PDE11A: variants seen among roughly 807,000 people sequenced by gnomAD.
The protein encoded by PDE11A is phosphodiesterase 11A.
In PDE11A, 100 loss-of-function variants were observed where a neutral mutation model predicts 100.5. The ratio of observed to expected loss-of-function variants is 1.00; its 90% CI spans 0.85 to 1.18. PDE11A has a LOEUF of 1.18. PDE11A is among the 50% of genes most tolerant of loss of function. The pLI is 0.00. For missense variants in PDE11A, 1,141 were observed against 1,152.6 expected (o/e 0.99, Z 0.15); for synonymous variants, 381 against 420.8 (o/e 0.91, Z 1.16).
At position 178,071,656 on chromosome 2, in the gene PDE11A, T is replaced by C. The variant is rs767044845; in HGVS notation, c.782A>G (p.His261Arg). Residue 261 changes from histidine to arginine, a missense_variant, in exon 1 of 20, where the codon CAT becomes CGT. By Grantham distance (29) the His-to-Arg change is conservative. Transcript: ENST00000286063. ...GCAAGGCAGCAGAGGTGTTCCTGCA[T>C]GCACATCAAAGAATTTGGAGACCAA... ...KTLVSKFFDV[H>R]AGTPLLPCSS... 3 of 1,613,444 alleles carry C rather than the reference T, an allele frequency of 1.9e-6. No homozygotes were observed. Among genetic ancestry groups the C allele is most frequent in the South Asian group, 2.2e-5 (2 of 91,068 alleles).
intron 9 of PDE11A, among the ~76,000 whole-genome samples, chr2:177,804,837 G>A (rs1421294996): frequency 1.3e-5 from 2 of 151,816 alleles, no homozygotes; most frequent in South Asian, 4.2e-4. Context: ...AACAGAAAAG[G>A]CAAATAACAT....
chr2:177,640,465 G>A (rs1468959231), intron 19 of PDE11A, among the ~76,000 whole-genome samples: 1 of 152,194 alleles, frequency 6.6e-6, no homozygotes, highest in East Asian at 1.9e-4. Flanking sequence ...TCATGAATTC[G>A]TGTGCCTGTC....
At chr2:177,956,252 T>C (rs1046805704) in intron 2 of PDE11A, among the ~76,000 whole-genome samples, 10 of 152,152 alleles carry the variant, frequency 6.6e-5, no homozygotes, top group African/African-American at 1.7e-4. Flanking sequence ...GGGCGAAGGA[T>C]ATGAACAGAC....
At chr2:178,056,400 C>A (rs1159179916) in intron 1 of PDE11A, among the ~76,000 whole-genome samples, 1 of 152,094 alleles carries the variant, frequency 6.6e-6, no homozygotes, top group East Asian at 1.9e-4. Flanking sequence ...CTGGTAGATA[C>A]CAGGCTAAGA....
chr2:178,064,443 G>A (rs963801662), intron 1 of PDE11A, among the ~76,000 whole-genome samples: 10 of 152,092 alleles, frequency 6.6e-5, no homozygotes, highest in East Asian at 3.9e-4. Flanking sequence ...ACTTACCAAC[G>A]GAGTCACTTT....
At chr2:177,958,116 C>T (rs1185061638) in intron 2 of PDE11A, among the ~76,000 whole-genome samples, 1 of 151,966 alleles carries the variant, frequency 6.6e-6, no homozygotes, top group East Asian at 1.9e-4. Context: ...GTCTTCAACT[C>T]CTAACCTCAG....
chr2:177,874,664 T>C (rs1267402206), intron 5 of PDE11A, among the ~76,000 whole-genome samples: 1 of 152,212 alleles, frequency 6.6e-6, no homozygotes, highest in African/African-American at 2.4e-5. Flanking sequence ...GCGGATGTTA[T>C]TGGCCAATTA....
chr2:177,742,065 A>G (rs2105466068), intron 10 of PDE11A, among the ~76,000 whole-genome samples: 1 of 151,504 alleles, frequency 6.6e-6, no homozygotes, highest in South Asian at 2.1e-4. Flanking sequence ...GATAAGGATC[A>G]GAGGACTGTA....
chr2:177,727,950 G>C, intron 11 of PDE11A, 76 bp downstream of exon 11: 1 of 1,308,942 alleles, frequency 7.6e-7, no homozygotes, highest in Non-Finnish European at 1.1e-6. Flanking sequence ...TTTTGTATTT[G>C]GGAAACCAGT....
At chr2:177,886,997 G>A (rs979959169) in intron 4 of PDE11A, among the ~76,000 whole-genome samples, 1 of 152,152 alleles carries the variant, frequency 6.6e-6, no homozygotes, top group Non-Finnish European at 1.5e-5. Flanking sequence ...TCCTGCTGGG[G>A]TGTGGGAAAC....
At chr2:178,037,000 A>G (rs1049832955) in intron 1 of PDE11A, among the ~76,000 whole-genome samples, 3 of 152,240 alleles carry the variant, frequency 2.0e-5, no homozygotes, top group Non-Finnish European at 2.9e-5. Context: ...AGCAATTGCA[A>G]CAAAAGCCAA....
At chr2:177,933,766 C>A (rs2085238176) in intron 2 of PDE11A, among the ~76,000 whole-genome samples, 1 of 152,090 alleles carries the variant, frequency 6.6e-6, no homozygotes, top group South Asian at 2.1e-4. Context: ...ATCAAAACAG[C>A]ATGTACAAAA....
chr2:177,817,970 AT>A (rs772656321), intron 7 of PDE11A, 45 bp from the exon 8 acceptor site: 1 of 894,370 alleles, frequency 1.1e-6, no homozygotes, highest in Admixed American at 1.7e-5. Context: ...AGTACTGGAC[AT>A]TGTGTTTCTC....
intron 1 of PDE11A, among the ~76,000 whole-genome samples, chr2:178,046,436 A>G (rs2086752222): frequency 6.6e-6 from 1 of 152,222 alleles, no homozygotes; most frequent in Non-Finnish European, 1.5e-5. Context: ...GAAATTATAG[A>G]AAGATAACAT....
intron 19 of PDE11A, among the ~76,000 whole-genome samples, chr2:177,633,672 T>C (rs1170293179): frequency 6.6e-6 from 1 of 152,224 alleles, no homozygotes; most frequent in African/African-American, 2.4e-5. Flanking sequence ...CAGGTGCTTG[T>C]TTTCCACTCA....
chr2:177,955,984 C>T (rs560790061), intron 2 of PDE11A, among the ~76,000 whole-genome samples: 94 of 152,234 alleles, frequency 6.2e-4, no homozygotes, highest in African/African-American at 2.2e-3. Flanking sequence ...CAATACCATT[C>T]AGGACATAGG....
Position 177,827,519 on chromosome 2 carries a change from C to T in PDE11A, c.1501-7224G>A, listed in dbSNP as rs539712112. On this transcript the variant is annotated intron_variant, in intron 6 of 19. Transcript: ENST00000286063. ...TCTTATTGTAGGCAAAAAGCAAATA[C>T]TGCATGTGATGGCTCTGAAAATTCT... Among the ~76,000 whole-genome samples the T allele has an allele frequency of 2.2e-3, 337 of 152,316 alleles. 1 individual carries two copies. Among genetic ancestry groups the T allele is most frequent in the African/African-American group, 7.9e-3 (328 of 41,556 alleles).
chr2:178,085,693 T>G (rs562541134), intron 2 of PDE11A, among the ~76,000 whole-genome samples: 1 of 152,266 alleles, frequency 6.6e-6, no homozygotes, highest in South Asian at 2.1e-4. Flanking sequence ...TAAGCAGGGA[T>G]TCAAGGGAAA....
At chr2:178,005,730 T>C (rs2086201013) in intron 2 of PDE11A, among the ~76,000 whole-genome samples, 1 of 152,190 alleles carries the variant, frequency 6.6e-6, no homozygotes, top group Non-Finnish European at 1.5e-5. Context: ...ACTATATAGC[T>C]ATTAAAAATA....
Sources: gnomAD v4.1 joint callset for allele counts (sites outside exome capture counted in the v4.1 genomes callset) on GRCh38, gnomAD v4.1.1 for gene constraint, MANE v1.5 for transcripts, NCBI Gene and HGNC (gene_info 2026-07-23, HGNC 2026-07-21) for gene names.